NPAS3: variants seen among roughly 807,000 people sequenced by gnomAD.
NPAS3 encodes the protein neuronal PAS domain-containing protein 3.
Under a neutral mutation model 73.1 loss-of-function variants are expected in NPAS3, and 14 were observed. The observed-to-expected ratio is 0.19, with a 90% confidence interval of 0.13 to 0.30. NPAS3 has a LOEUF of 0.30. Among genes scored for constraint, NPAS3 ranks in the 10% least tolerant of loss-of-function variants. The pLI is 1.00. For synonymous variants in NPAS3, 620 were observed against 541.5 expected (o/e 1.14, Z -2.01); for missense variants, 1,096 against 1,250.0 (o/e 0.88, Z 1.86).
At chr14:33,079,992 A>G (rs2041814320) in intron 2 of NPAS3, among the ~76,000 whole-genome samples, 1 of 152,198 alleles carries the variant, frequency 6.6e-6, no homozygotes, top group African/African-American at 2.4e-5. Context: ...AAAGGTTTAT[A>G]AAAATTTAAA....
chr14:33,168,499 A>G (rs903980883), intron 2 of NPAS3, among the ~76,000 whole-genome samples: 2 of 152,170 alleles, frequency 1.3e-5, no homozygotes, highest in Non-Finnish European at 2.9e-5. Context: ...ATTTTTAAAA[A>G]AGCTTTTGAG....
chr14:33,369,498 A>T, intron 4 of NPAS3, among the ~76,000 whole-genome samples: 1 of 151,240 alleles, frequency 6.6e-6, no homozygotes, highest in Non-Finnish European at 1.5e-5. Flanking sequence ...TAGAATGTTT[A>T]CATTATGTCC....
chr14:32,961,123 T>A (rs996171627), intron 1 of NPAS3, among the ~76,000 whole-genome samples: 10 of 151,856 alleles, frequency 6.6e-5, no homozygotes, highest in African/African-American at 2.2e-4. Context: ...TGAAAAAAAA[T>A]GTGAATTCGG....
At chr14:33,739,535 G>A (rs759964873) in intron 7 of NPAS3, among the ~76,000 whole-genome samples, 9 of 152,088 alleles carry the variant, frequency 5.9e-5, no homozygotes, top group African/African-American at 9.7e-5. Context: ...CCAAACATAG[G>A]TGTCTCTTAA....
chr14:33,378,014 A>G (rs555382660), intron 4 of NPAS3, among the ~76,000 whole-genome samples: 1 of 152,330 alleles, frequency 6.6e-6, no homozygotes, highest in African/African-American at 2.4e-5. Context: ...TCAATGTAAC[A>G]TAGGCTAGTG....
intron 4 of NPAS3, among the ~76,000 whole-genome samples, chr14:33,453,340 G>A (rs2049887125): frequency 6.6e-6 from 1 of 152,180 alleles, no homozygotes; most frequent in African/African-American, 2.4e-5. Context: ...GAATTTTAGA[G>A]CCAGAGCATA....
chr14:32,945,483 A>G lies in NPAS3; in HGVS notation c.50+6117A>G, dbSNP rs971178251. 1.7e-4 allele frequency among the ~76,000 whole-genome samples: 26 copies of G among 152,170 alleles called. 1 individual carries two copies. Among genetic ancestry groups the G allele is most frequent in the Admixed American group, 1.3e-4 (2 of 15,274 alleles). ...CTATGAGGGAAGTGCTAATATCCCCATTTATGCATGAGAAAATAGAGGTTT... is the reference window on the plus strand; with the variant it reads ...CTATGAGGGAAGTGCTAATATCCCCGTTTATGCATGAGAAAATAGAGGTTT... On this transcript the variant is annotated intron_variant, in intron 1 of 11. Transcript: ENST00000356141.
chr14:33,117,000 A>G (rs1455242540), intron 2 of NPAS3, among the ~76,000 whole-genome samples: 2 of 152,142 alleles, frequency 1.3e-5, no homozygotes, highest in Non-Finnish European at 2.9e-5. Flanking sequence ...ATATCACACA[A>G]AAACATGTTC....
At chr14:33,622,753 G>A (rs1173862305) in intron 5 of NPAS3, among the ~76,000 whole-genome samples, 1 of 152,166 alleles carries the variant, frequency 6.6e-6, no homozygotes, top group African/African-American at 2.4e-5. Flanking sequence ...AAGCTTTGAT[G>A]TCTCAAGCTG....
intron 1 of NPAS3, among the ~76,000 whole-genome samples, chr14:33,027,498 G>A (rs931359847): frequency 1.3e-5 from 2 of 152,072 alleles, no homozygotes; most frequent in African/African-American, 4.8e-5. Flanking sequence ...ACTCAGATTA[G>A]GTTAAGTTGG....
intron 2 of NPAS3, among the ~76,000 whole-genome samples, chr14:33,117,493 T>C (rs2043105922): frequency 6.6e-6 from 1 of 152,184 alleles, no homozygotes; most frequent in South Asian, 2.1e-4. Flanking sequence ...TTGTTCTGTG[T>C]AAGCCAAAGA....
chr14:33,071,381 C>T (rs1251005125), intron 2 of NPAS3, among the ~76,000 whole-genome samples: 2 of 152,118 alleles, frequency 1.3e-5, no homozygotes, highest in African/African-American at 4.8e-5. Context: ...AAACTTAATT[C>T]AGTAGTCAAG....
chr14:33,564,407 T>G (rs2055819102), intron 5 of NPAS3, among the ~76,000 whole-genome samples: 1 of 149,410 alleles, frequency 6.7e-6, no homozygotes, highest in South Asian at 2.1e-4. Context: ...GAGTCCATAT[T>G]CACAGCAAGG....
At chr14:33,069,807 C>A (rs931300379) in intron 2 of NPAS3, among the ~76,000 whole-genome samples, 1 of 152,160 alleles carries the variant, frequency 6.6e-6, no homozygotes, top group African/African-American at 2.4e-5. Context: ...TGACTTTTCA[C>A]CCCTGTAACT....
Position 33,317,428 on chromosome 14 carries a change from A to G in NPAS3, c.386-49758A>G, listed in dbSNP as rs367801310. Among the ~76,000 whole-genome samples the G allele has an allele frequency of 3.9e-5, 6 of 152,074 alleles. 1 individual carries two copies. The East Asian group carries it at 9.7e-4, about 25-fold the overall frequency. On this transcript the variant is annotated intron_variant, in intron 3 of 11. Coordinates refer to ENST00000356141, the Ensembl canonical transcript of NPAS3. ...GCTTGTTTGAAGCCAACAACCAGTG[A>G]ATGGAAGGGCTAGAATGCAAGCCCA...
At position 33,197,347 on chromosome 14, in the gene NPAS3, ATG is replaced by A. The variant is rs2046404920; in HGVS notation, c.141-17831_141-17830del. ...AGCAGTACCTGAGCCTCACATAGGA[ATG>A]TGTCTCTTGCTCCCACCTGCTGTGA... is the stretch of plus-strand genomic sequence containing the variant. On this transcript the variant is annotated intron_variant, in intron 2 of 11. Transcript: ENST00000356141. 5.3e-5 allele frequency among the ~76,000 whole-genome samples: 8 copies of A among 152,014 alleles called. No individual in the cohort carries two copies. In the South Asian group the frequency reaches 1.7e-3, roughly 32 times the overall value.
At chr14:33,751,451 A>C (rs1306275554) in intron 7 of NPAS3, among the ~76,000 whole-genome samples, 2 of 152,012 alleles carry the variant, frequency 1.3e-5, no homozygotes, top group African/African-American at 4.8e-5. Flanking sequence ...AGAACCAGTA[A>C]CTCAAGGGAA....
intron 6 of NPAS3, among the ~76,000 whole-genome samples, chr14:33,683,463 C>T (rs1356421892): frequency 1.4e-5 from 2 of 143,270 alleles, no homozygotes; most frequent in East Asian, 4.3e-4. Context: ...GTGGCCGTCT[C>T]TGTCATTGGA....
intron 2 of NPAS3, among the ~76,000 whole-genome samples, chr14:33,202,532 T>C (rs555398267): frequency 3.9e-5 from 6 of 152,264 alleles, no homozygotes; most frequent in South Asian, 2.1e-4. Context: ...AATAAAGGAA[T>C]AGGAGCCTAT....
Sources: allele counts gnomAD v4.1 joint callset (sites outside exome capture counted in the v4.1 genomes callset), GRCh38; gene constraint gnomAD v4.1.1; transcripts MANE v1.5; gene names NCBI Gene and HGNC (gene_info 2026-07-23, HGNC 2026-07-21).